ARSG: variants seen among roughly 807,000 people sequenced by gnomAD.
ARSG encodes ASG.
A neutral mutation model predicts 50.5 loss-of-function variants in ARSG; 37 were observed. The ratio of observed to expected loss-of-function variants is 0.73; its 90% CI spans 0.56 to 0.96. The LOEUF (loss-of-function observed/expected upper bound fraction) is 0.96. Ranked by LOEUF, ARSG falls within the 50% of genes least tolerant of loss-of-function variation. ARSG has a pLI of 0.00. For missense variants in ARSG, 629 were observed against 675.3 expected (o/e 0.93, Z 0.76); for synonymous variants, 225 against 254.6 (o/e 0.88, Z 1.11).
chr17:68,271,388 C>G lies in ARSG; in HGVS notation c.-552+11962C>G, dbSNP rs782759567. On this transcript the variant is annotated intron_variant, in intron 1 of 11. Transcript: ENST00000448504. This position sits in a 1 kb window ranked among gnomAD's most constrained non-coding sequence, Gnocchi z 5.3. ...TGCATGTCGGCCTTCGGCTCCAGTT[C>G]CAGGTTAGTGTGAGTAGGCACATTT... The G allele has an allele frequency of 6.2e-7, 1 of 1,614,106 alleles. No homozygotes were observed. Among genetic ancestry groups the G allele is most frequent in the Non-Finnish European group, 8.5e-7 (1 of 1,180,058 alleles).
At chr17:68,387,891 G>T (rs2080803627) in intron 9 of ARSG, among the ~76,000 whole-genome samples, 1 of 152,172 alleles carries the variant, frequency 6.6e-6, no homozygotes, top group Non-Finnish European at 1.5e-5. Flanking sequence ...AAGAGAATGT[G>T]TGGGAGAGGG....
At chr17:68,281,994 T>C (rs2075709942) in intron 1 of ARSG, among the ~76,000 whole-genome samples, 1 of 152,198 alleles carries the variant, frequency 6.6e-6, no homozygotes, top group African/African-American at 2.4e-5. Flanking sequence ...AGCCATCCCA[T>C]TACTGGGTAT....
chr17:68,270,325 G>A (rs2075294332), intron 1 of ARSG, among the ~76,000 whole-genome samples: 1 of 152,130 alleles, frequency 6.6e-6, no homozygotes, highest in Non-Finnish European at 1.5e-5. Flanking sequence ...GGAGGCCAAG[G>A]CAGGCGGATC....
In ARSG at chr17:68,340,996, T is replaced by C. The variant is rs544783624; in HGVS notation, c.219-2608T>C. 3.7e-4 allele frequency among the ~76,000 whole-genome samples: 56 copies of C among 152,350 alleles called. 2 individuals carry two copies. The South Asian group carries it at 0.011, about 30-fold the overall frequency. ...CTCGGTTCCTGATTAGGAACATTAA[T>C]ATAATTACTTGTTTGCTTTACTCTA... is the stretch of plus-strand genomic sequence containing the variant. On this transcript the variant is annotated intron_variant, in intron 2 of 11. Coordinates refer to ENST00000621439, the MANE Select transcript of ARSG (RefSeq NM_001267727.2).
At chr17:68,443,365 G>A in the ARSG span, among the ~76,000 whole-genome samples, 1 of 152,076 alleles carries the variant, frequency 6.6e-6, no homozygotes, top group African/African-American at 2.4e-5. Flanking sequence ...CACCCGCCTC[G>A]GCCTCCCAAT....
At chr17:68,323,121 T>C (rs2077361612) in intron 2 of ARSG, among the ~76,000 whole-genome samples, 1 of 152,134 alleles carries the variant, frequency 6.6e-6, no homozygotes, top group African/African-American at 2.4e-5. Flanking sequence ...TATTTTTTTT[T>C]TGGAGTGAAC....
intron 1 of ARSG, chr17:68,259,541 A>T (rs1490684652): frequency 3.3e-5 from 5 of 152,256 alleles, no homozygotes; most frequent in Non-Finnish European, 7.3e-5. Flanking sequence ...ACAAAAATAT[A>T]ATACAAGCCA....
At chr17:68,319,267 C>CTA (rs1316615513) in intron 2 of ARSG, among the ~76,000 whole-genome samples, 3 of 152,230 alleles carry the variant, frequency 2.0e-5, no homozygotes, top group South Asian at 2.1e-4. Context: ...CTGACCTTCA[C>CTA]CATTATCCCC....
the ARSG span, chr17:68,435,494 CAA>C: frequency 1.2e-5 from 11 of 935,288 alleles, no homozygotes; most frequent in African/African-American, 3.3e-5. Flanking sequence ...CCCTCTGAAA[CAA>C]ATTCTGAGTG....
At position 68,343,746 on chromosome 17, in the gene ARSG, T is replaced by A; in HGVS notation, c.361T>A (p.Leu121Met). 6.2e-7 allele frequency: 1 copy of A among 1,614,108 alleles called. No homozygotes were observed. The highest frequency in any genetic ancestry group is 8.5e-7 in the Non-Finnish European group (1 of 1,179,964). ...VGGLPLNETT[L>M]AEVLQQAGYV... is the part of the protein sequence containing the mutation. ...AGGCCTTCCGCTCAACGAGACCACC[T>A]TGGCAGAGGTGCTGCAGCAGGCGGG... The change falls in exon 3 of 12, where the codon TTG becomes ATG. Residue 121 changes from leucine to methionine, a missense_variant. Coordinates refer to ENST00000621439, the MANE Select transcript of ARSG (RefSeq NM_001267727.2).
intron 2 of ARSG, among the ~76,000 whole-genome samples, chr17:68,326,836 TGGTGGGTTGG>T (rs1184749059): frequency 6.6e-6 from 1 of 151,946 alleles, no homozygotes; most frequent in Non-Finnish European, 1.5e-5. Context: ...ATACTTCTTG[TGGTGGGTTGG>T]GGTGGGTGGT....
At chr17:68,424,673 T>A, downstream of ARSG, 4 of 355,206 alleles carry the variant, frequency 1.1e-5, no homozygotes, top group Non-Finnish European at 2.2e-5. Flanking sequence ...GTCAGGAGTT[T>A]GAGACCAGCG....
chr17:68,317,576 A>G (rs1181507021), intron 2 of ARSG, among the ~76,000 whole-genome samples: 1 of 151,536 alleles, frequency 6.6e-6, no homozygotes, highest in African/African-American at 2.4e-5. Flanking sequence ...TTGCTCATGT[A>G]TGCACCGCAA....
At chr17:68,423,198 CAG>C (rs763839302), downstream of ARSG, among the ~76,000 whole-genome samples, 18 of 152,292 alleles carry the variant, frequency 1.2e-4, no homozygotes, top group Non-Finnish European at 1.9e-4. The surrounding 1 kb of genome is among the most constrained non-coding windows in gnomAD (Gnocchi z 4.4). Context: ...GAATTCTGCA[CAG>C]AGATTTGCAA....
rs144082367 is a variant in ARSG at position 68,363,432 on chromosome 17, A to G, written c.705-5116A>G. Among the ~76,000 whole-genome samples the G allele has an allele frequency of 4.6e-3, 695 of 151,972 alleles. 3 individuals carry two copies. The highest frequency in any genetic ancestry group is 0.014 in the African/African-American group (567 of 41,436). ...GGTGAGGAGTTTGGATTGACCCTGC[A>G]GGCTGCAATGAGCCCTAGTACGTTT... On this transcript the variant is annotated intron_variant, in intron 6 of 11. Coordinates refer to ENST00000621439, the MANE Select transcript of ARSG (RefSeq NM_001267727.2).
At chr17:68,393,965 T>C (rs556470513) in intron 9 of ARSG, among the ~76,000 whole-genome samples, 18 of 151,902 alleles carry the variant, frequency 1.2e-4, no homozygotes, top group African/African-American at 4.3e-4. Flanking sequence ...TTTCTTTTTG[T>C]TTTTTTTGGT....
At chr17:68,270,278 G>A (rs1345178268) in intron 1 of ARSG, among the ~76,000 whole-genome samples, 13 of 152,070 alleles carry the variant, frequency 8.5e-5, no homozygotes, top group African/African-American at 2.4e-4. Context: ...CTGGGTTGGC[G>A]GGTGCGGTGG....
In ARSG at chr17:68,373,459, C is replaced by T. The variant is rs1279933296; in HGVS notation, c.982+2935C>T. 1.1e-4 allele frequency among the ~76,000 whole-genome samples: 16 copies of T among 152,120 alleles called. No homozygotes were observed. The East Asian group carries it at 3.1e-3, about 29-fold the overall frequency. On this transcript the variant is annotated intron_variant, in intron 8 of 11. Transcript: ENST00000621439. Reference sequence around the variant, plus strand: ...GGCCAGGCTGGTCTTGAACTCCTGACCTCAGGTGATCCACCCATCTTGGCC... The same window carrying T: ...GGCCAGGCTGGTCTTGAACTCCTGATCTCAGGTGATCCACCCATCTTGGCC...
the ARSG span, among the ~76,000 whole-genome samples, chr17:68,434,049 C>A: frequency 3.9e-5 from 6 of 151,932 alleles, no homozygotes; most frequent in Non-Finnish European, 5.9e-5. Flanking sequence ...GGATTACAGA[C>A]GTGAGCCACC....
Sources: allele counts gnomAD v4.1 joint callset (sites outside exome capture counted in the v4.1 genomes callset), GRCh38; gene constraint gnomAD v4.1.1; non-coding constraint Gnocchi (gnomAD v3.1); transcripts MANE v1.5; gene names NCBI Gene and HGNC (gene_info 2026-07-23, HGNC 2026-07-21).